Variants in CARMIL1 observed in about 807,000 individuals in gnomAD.
CARMIL1 encodes F-actin-uncapping protein LRRC16A.
Under a neutral mutation model 177.1 loss-of-function variants are expected in CARMIL1, and 90 were observed. The ratio of observed to expected loss-of-function variants is 0.51; its 90% CI spans 0.43 to 0.61. The LOEUF is 0.61. Ranked by LOEUF, CARMIL1 falls within the 20% of genes least tolerant of loss-of-function variation. The pLI, the probability that CARMIL1 is intolerant of heterozygous loss-of-function variation, is 0.00. For missense variants in CARMIL1, 1,380 were observed against 1,667.0 expected, an observed-to-expected ratio of 0.83 and a Z score of 3.00; for synonymous variants, 577 against 606.2, an observed-to-expected ratio of 0.95 and a Z score of 0.71.
intron 26 of CARMIL1, among the ~76,000 whole-genome samples, chr6:25,548,203 T>G (rs946474166): frequency 1.3e-5 from 2 of 152,212 alleles, no homozygotes; most frequent in East Asian, 1.9e-4. Flanking sequence ...TTTGACATAT[T>G]TCCACTTTTG....
At chr6:25,395,381 T>C (rs1793281254) in intron 2 of CARMIL1, among the ~76,000 whole-genome samples, 1 of 152,228 alleles carries the variant, frequency 6.6e-6, no homozygotes, top group Admixed American at 6.5e-5. Flanking sequence ...AGAAACATCT[T>C]GCTCCAATAG....
At chr6:25,367,070 G>A (rs1365171757) in intron 2 of CARMIL1, among the ~76,000 whole-genome samples, 1 of 152,168 alleles carries the variant, frequency 6.6e-6, no homozygotes, top group Non-Finnish European at 1.5e-5. Context: ...CTTCAATTTT[G>A]CAATAAAAGT....
chr6:25,586,670 G>A (rs1813742507), intron 31 of CARMIL1, among the ~76,000 whole-genome samples: 1 of 152,100 alleles, frequency 6.6e-6, no homozygotes, highest in Non-Finnish European at 1.5e-5. Flanking sequence ...GCAACATTGA[G>A]CATTGAGTGA....
At chr6:25,304,753 C>G (rs1783133814) in intron 2 of CARMIL1, among the ~76,000 whole-genome samples, 1 of 152,188 alleles carries the variant, frequency 6.6e-6, no homozygotes, top group Non-Finnish European at 1.5e-5. Flanking sequence ...GTCTAAGATT[C>G]TGAAATTTAC....
intron 2 of CARMIL1, among the ~76,000 whole-genome samples, chr6:25,327,035 C>T (rs1002739959): frequency 1.3e-5 from 2 of 152,008 alleles, no homozygotes; most frequent in Non-Finnish European, 2.9e-5. Flanking sequence ...GCAAAATGAG[C>T]GTACAGTCCA....
chr6:25,326,225 C>A lies in CARMIL1; in HGVS notation c.138+41316C>A, dbSNP rs1253276047. Among the ~76,000 whole-genome samples, 3 of 151,992 alleles carry A rather than the reference C, an allele frequency of 2.0e-5. No individual in the cohort carries two copies. The highest frequency in any genetic ancestry group is 4.4e-5 in the Non-Finnish European group (3 of 68,012). On this transcript the variant is annotated intron_variant, in intron 2 of 36. Transcript: ENST00000329474. The surrounding 1 kb of genome is among the most constrained non-coding windows in gnomAD (Gnocchi z 4.2). The stretch of plus-strand genomic sequence containing the variant: ...AGATGAGGCCTGAAGGAAAATAGTG[C>A]CAGCCATTTGAAGAGTGAGGGAAAG...
At chr6:25,616,534 A>T (rs534442896) in intron 36 of CARMIL1, among the ~76,000 whole-genome samples, 59 of 152,340 alleles carry the variant, frequency 3.9e-4, no homozygotes, top group African/African-American at 1.4e-3. Flanking sequence ...TGACTGCGCC[A>T]CTGAATTCCA....
chr6:25,400,381 T>A (rs146375556), intron 2 of CARMIL1, among the ~76,000 whole-genome samples: 1 of 152,328 alleles, frequency 6.6e-6, no homozygotes, highest in East Asian at 1.9e-4. Flanking sequence ...TGGATGCTTT[T>A]CCTTCCTGCA....
intron 5 of CARMIL1, among the ~76,000 whole-genome samples, chr6:25,438,261 T>C (rs766286675): frequency 6.6e-6 from 1 of 152,222 alleles, no homozygotes; most frequent in Non-Finnish European, 1.5e-5. Context: ...GTTCATACAC[T>C]TATATATTCC....
chr6:25,387,991 C>T (rs545426909), intron 2 of CARMIL1, among the ~76,000 whole-genome samples: 2 of 152,016 alleles, frequency 1.3e-5, no homozygotes, highest in African/African-American at 2.4e-5. Context: ...AGAAACAGTT[C>T]ATAAGAAAAA....
At chr6:25,310,150 C>G (rs561886673) in intron 2 of CARMIL1, among the ~76,000 whole-genome samples, 1 of 152,108 alleles carries the variant, frequency 6.6e-6, no homozygotes, top group African/African-American at 2.4e-5. Flanking sequence ...CTCTTATGAG[C>G]GTGCATACAA....
chr6:25,398,079 G>A (rs1268712776), intron 2 of CARMIL1, among the ~76,000 whole-genome samples: 1 of 152,148 alleles, frequency 6.6e-6, no homozygotes, highest in Non-Finnish European at 1.5e-5. Context: ...TAGAAAAGGA[G>A]CCATATCTCT....
At chr6:25,450,220 C>A in intron 6 of CARMIL1, 119 bp from the exon 7 acceptor site, 1 of 785,108 alleles carries the variant, frequency 1.3e-6, no homozygotes. Context: ...TGCTGTTTTC[C>A]CCCCTAAAAA....
chr6:25,406,444 A>AAAGAAAGAAC lies in CARMIL1; in HGVS notation c.139-13669_139-13668insAGAAAGAACA, dbSNP rs565030701. Reference sequence around the variant, plus strand: ...AGCTTAAGCAGAGAAGGGACATAATAATGTTTGGGTTCTTAAAAGATCACG... The same window carrying AAAGAAAGAAC: ...AGCTTAAGCAGAGAAGGGACATAATAAAGAAAGAACATGTTTGGGTTCTTAAAAGATCACG... On this transcript the variant is annotated intron_variant, in intron 2 of 36. Coordinates refer to ENST00000329474, the MANE Select transcript of CARMIL1 (RefSeq NM_017640.6). Among the ~76,000 whole-genome samples the AAAGAAAGAAC allele has an allele frequency of 7.3e-3, 1,117 of 152,196 alleles. 11 individuals are homozygous for AAAGAAAGAAC. Among genetic ancestry groups the AAAGAAAGAAC allele is most frequent in the African/African-American group, 0.025 (1,041 of 41,514 alleles).
chr6:25,446,396 C>T (rs1798239664), intron 5 of CARMIL1, among the ~76,000 whole-genome samples: 1 of 152,186 alleles, frequency 6.6e-6, no homozygotes, highest in East Asian at 1.9e-4. Context: ...GCACTTGCTC[C>T]TTCATCTTGT....
At chr6:25,303,394 A>G (rs1783020917) in intron 2 of CARMIL1, among the ~76,000 whole-genome samples, 1 of 152,198 alleles carries the variant, frequency 6.6e-6, no homozygotes, top group Non-Finnish European at 1.5e-5. Flanking sequence ...CTCTAAGCCT[A>G]TTTCCTCAAT....
At chr6:25,464,077 C>T (rs1372908395) in intron 8 of CARMIL1, among the ~76,000 whole-genome samples, 1 of 152,094 alleles carries the variant, frequency 6.6e-6, no homozygotes, top group Admixed American at 6.5e-5. Context: ...CCGTCTCGGC[C>T]TCCCAAAATG....
chr6:25,370,755 G>A (rs1257463555), intron 2 of CARMIL1, among the ~76,000 whole-genome samples: 2 of 151,734 alleles, frequency 1.3e-5, no homozygotes, highest in Non-Finnish European at 2.9e-5. Context: ...TTTTTTTTTA[G>A]TTGATATATA....
At chr6:25,594,375 A>G in intron 31 of CARMIL1, 40 bp from the exon 32 acceptor site, 1 of 1,255,266 alleles carries the variant, frequency 8.0e-7, no homozygotes, top group African/African-American at 1.5e-5. Context: ...TGCTAAATCA[A>G]GGTGCATGTG....
Sources: allele counts gnomAD v4.1 joint callset (sites outside exome capture counted in the v4.1 genomes callset), GRCh38; gene constraint gnomAD v4.1.1; non-coding constraint Gnocchi (gnomAD v3.1); transcripts MANE v1.5; gene names NCBI Gene and HGNC (gene_info 2026-07-23, HGNC 2026-07-21).